Variants in TMEM108 observed in about 807,000 individuals in gnomAD.
TMEM108 encodes transmembrane protein 108.
In TMEM108, 12 loss-of-function variants were observed where a neutral mutation model predicts 35.1. That is an observed-to-expected ratio of 0.34 (90% CI 0.22 to 0.55). The LOEUF (loss-of-function observed/expected upper bound fraction) is 0.55, where lower values mean the gene tolerates loss of function less well. TMEM108 is among the 20% of genes least tolerant of loss of function. The probability of loss-of-function intolerance (pLI) is 0.89; values close to 1 mark genes in which losing one functional copy is unlikely to be tolerated. For synonymous variants in TMEM108, 287 were observed against 308.6 expected (o/e 0.93, Z 0.73); for missense variants, 680 against 753.3 (o/e 0.90, Z 1.14).
chr3:133,223,370 C>T (rs190952198), intron 2 of TMEM108, among the ~76,000 whole-genome samples: 6 of 152,216 alleles, frequency 3.9e-5, no homozygotes, highest in African/African-American at 1.2e-4. Flanking sequence ...GCCTGGTACC[C>T]GAGTGTATGG....
At chr3:133,112,903 GGGCTTAGT>G (rs1240109868) in intron 2 of TMEM108, among the ~76,000 whole-genome samples, 59 of 152,280 alleles carry the variant, frequency 3.9e-4, no homozygotes, top group African/African-American at 1.4e-3. Context: ...TGGTTAAAAT[GGGCTTAGT>G]GGCACACATT....
intron 2 of TMEM108, among the ~76,000 whole-genome samples, chr3:133,212,445 C>A (rs1945845539): frequency 6.6e-6 from 1 of 152,238 alleles, no homozygotes; most frequent in African/African-American, 2.4e-5. Context: ...ACAGAACTGC[C>A]ACAAAGTGAC....
intron 3 of TMEM108, among the ~76,000 whole-genome samples, chr3:133,271,363 A>T (rs1946769158): frequency 6.6e-6 from 1 of 152,144 alleles, no homozygotes; most frequent in South Asian, 2.1e-4. Context: ...AAAAATATTA[A>T]TTTTTTAACC....
chr3:133,162,706 C>G (rs1944978540), intron 2 of TMEM108, among the ~76,000 whole-genome samples: 1 of 152,196 alleles, frequency 6.6e-6, no homozygotes, highest in Admixed American at 6.5e-5. Context: ...TTTCTGAGCC[C>G]TTGGCTTCAT....
chr3:133,297,626 G>A (rs1388179424), intron 3 of TMEM108, among the ~76,000 whole-genome samples: 1 of 152,184 alleles, frequency 6.6e-6, no homozygotes, highest in Non-Finnish European at 1.5e-5. Flanking sequence ...TTCCCTGGGA[G>A]ATTCTCAGTC....
intron 2 of TMEM108, among the ~76,000 whole-genome samples, chr3:133,196,636 G>A (rs1314407051): frequency 6.6e-6 from 1 of 152,204 alleles, no homozygotes; most frequent in Non-Finnish European, 1.5e-5. Context: ...AGCAGTGTCA[G>A]AGAAACCATC....
rs561363761 is a variant in TMEM108, at chr3:133,173,463, G to A, written c.-46-55803G>A. On this transcript the variant is annotated intron_variant, in intron 2 of 5. Coordinates refer to ENST00000321871, the MANE Select transcript of TMEM108 (RefSeq NM_023943.4). The stretch of plus-strand genomic sequence containing the variant: ...CTGCTGAGGTCAACCAGAAAACTGG[G>A]CACACTAGCTGTTAAGTTTTTTTGA... 5.9e-5 allele frequency among the ~76,000 whole-genome samples: 9 copies of A among 152,242 alleles called. No individual in the cohort carries two copies. In the South Asian group the frequency reaches 1.5e-3, roughly 25 times the overall value.
chr3:133,228,990 T>A (rs970145553), intron 2 of TMEM108, among the ~76,000 whole-genome samples: 1 of 152,192 alleles, frequency 6.6e-6, no homozygotes, highest in Non-Finnish European at 1.5e-5. Flanking sequence ...GAGAGATTCA[T>A]AAAAAGTCTT....
In TMEM108 at chr3:133,101,042, A is replaced by G. The variant is rs866994794; in HGVS notation, c.-47+55022A>G. Among the ~76,000 whole-genome samples the G allele has an allele frequency of 2.0e-5, 3 of 152,188 alleles. No homozygotes were observed. In the South Asian group the frequency reaches 6.2e-4, roughly 32 times the overall value. ...TGTGAAATATCCATCATTTAGATGA[A>G]CCATAATTTTCTGTGTCCTATTTTT... On this transcript the variant is annotated intron_variant, in intron 2 of 5. Coordinates refer to ENST00000321871, the MANE Select transcript of TMEM108 (RefSeq NM_023943.4).
Position 133,342,393 on chromosome 3 carries a change from A to C in TMEM108, c.41-37359A>C, listed in dbSNP as rs115072566. On this transcript the variant is annotated intron_variant, in intron 3 of 5. Transcript: ENST00000321871. ...GGATTGTTTGTAACACAAAGGATAA[A>C]TGCTTGAGGCAGGATGGATACCTCA... is the stretch of plus-strand genomic sequence containing the variant. 6.7e-3 allele frequency among the ~76,000 whole-genome samples: 1,016 copies of C among 150,776 alleles called. 16 individuals are homozygous for C. The highest frequency in any genetic ancestry group is 0.023 in the African/African-American group (955 of 41,274).
chr3:133,278,921 TCCGG>T (rs1946873419), intron 3 of TMEM108, among the ~76,000 whole-genome samples: 1 of 152,118 alleles, frequency 6.6e-6, no homozygotes, highest in African/African-American at 2.4e-5. Flanking sequence ...ATGTAAATTG[TCCGG>T]AGCATTCATG....
chr3:133,208,564 C>T (rs1428160280), intron 2 of TMEM108, among the ~76,000 whole-genome samples: 1 of 152,168 alleles, frequency 6.6e-6, no homozygotes, highest in Admixed American at 6.5e-5. Context: ...TTTGGGGACC[C>T]AGCTCCCATC....
At chr3:133,176,525 A>G (rs964344290) in intron 2 of TMEM108, among the ~76,000 whole-genome samples, 1 of 152,190 alleles carries the variant, frequency 6.6e-6, no homozygotes, top group Non-Finnish European at 1.5e-5. Context: ...AGTCAAAACT[A>G]CTCAACTACA....
chr3:133,108,527 T>G (rs1944186191), intron 2 of TMEM108, among the ~76,000 whole-genome samples: 1 of 152,102 alleles, frequency 6.6e-6, no homozygotes. Context: ...TAGCCCTTTG[T>G]CAGATGAGTA....
At chr3:133,150,601 A>G (rs979125803) in intron 2 of TMEM108, among the ~76,000 whole-genome samples, 12 of 152,098 alleles carry the variant, frequency 7.9e-5, no homozygotes, top group Admixed American at 3.3e-4. Context: ...TTTAACCTGT[A>G]TTCATCTACT....
chr3:133,295,359 CA>C (rs1947129852), intron 3 of TMEM108, among the ~76,000 whole-genome samples: 1 of 152,148 alleles, frequency 6.6e-6, no homozygotes, highest in Non-Finnish European at 1.5e-5. Flanking sequence ...CTTCCCTGCT[CA>C]CCATCGTCTA....
chr3:133,355,494 T>A (rs1190756043), intron 3 of TMEM108, among the ~76,000 whole-genome samples: 1 of 152,188 alleles, frequency 6.6e-6, no homozygotes, highest in Non-Finnish European at 1.5e-5. Flanking sequence ...TTTAAAAGCC[T>A]TCACAAAGAT....
At chr3:133,076,184 AT>A (rs139787309) in intron 2 of TMEM108, among the ~76,000 whole-genome samples, 1 of 151,236 alleles carries the variant, frequency 6.6e-6, no homozygotes, top group Non-Finnish European at 1.5e-5. Context: ...ATGTGGGCAA[AT>A]TTTTTTATCA....
At chr3:133,223,645 CA>C (rs1946024960) in intron 2 of TMEM108, among the ~76,000 whole-genome samples, 2 of 152,122 alleles carry the variant, frequency 1.3e-5, no homozygotes, top group African/African-American at 4.8e-5. Context: ...GCCATCTATC[CA>C]AAGCAGCGCA....
Sources: allele counts gnomAD v4.1 joint callset (sites outside exome capture counted in the v4.1 genomes callset), GRCh38; gene constraint gnomAD v4.1.1; transcripts MANE v1.5; gene names NCBI Gene and HGNC (gene_info 2026-07-23, HGNC 2026-07-21).